Variants in GSTM5 observed in about 807,000 individuals in gnomAD.
GSTM5 encodes GST class-mu 5.
GSTM5 carries 24 observed loss-of-function variants against 29.0 expected under a neutral mutation model. The ratio of observed to expected loss-of-function variants is 0.83; its 90% CI spans 0.60 to 1.16. The LOEUF (loss-of-function observed/expected upper bound fraction) is 1.16, where lower values mean the gene tolerates loss of function less well. Ranked by LOEUF, GSTM5 falls within the 50% of genes most tolerant of loss-of-function variation. The pLI, the probability that GSTM5 is intolerant of heterozygous loss-of-function variation, is 0.00. For synonymous variants in GSTM5, 91 were observed against 93.6 expected, an observed-to-expected ratio of 0.97 and a Z score of 0.16; for missense variants, 290 against 263.0, an observed-to-expected ratio of 1.10 and a Z score of -0.71.
chr1:109,713,600 G>T (rs779480058), intron 4 of GSTM5, 35 bp downstream of exon 4: 10 of 1,614,218 alleles, frequency 6.2e-6, no homozygotes. Context: ...CGGGGGGAAG[G>T]TGACCTCCTC....
At chr1:109,713,915 C>G in intron 5 of GSTM5, 154 bp downstream of exon 5, 1 of 517,370 alleles carries the variant, frequency 1.9e-6, no homozygotes, top group Non-Finnish European at 3.6e-6. Flanking sequence ...GAATCTTCTC[C>G]TCTTCTGAAG....
chr1:109,715,392 C>G, intron 7 of GSTM5, 152 bp downstream of exon 7: 1 of 1,566,622 alleles, frequency 6.4e-7, no homozygotes, highest in South Asian at 1.2e-5. Flanking sequence ...TTATACCTAT[C>G]GTGTAGAATT....
rs1648675551 is a variant in GSTM5, at chr1:109,714,434, G to A, written c.361-513G>A. The A allele has an allele frequency of 8.2e-5, 14 of 171,136 alleles. 1 individual carries two copies. In the South Asian group the frequency reaches 2.0e-3, roughly 24 times the overall value. 10.6% of individuals were successfully genotyped at this position (171,136 alleles called of 1,614,324 possible). A position where few individuals can be genotyped will look rare whatever the true frequency, so the allele number is the denominator to read the frequency against. On this transcript the variant is annotated intron_variant, in intron 5 of 7. Coordinates refer to ENST00000256593, the MANE Select transcript of GSTM5 (RefSeq NM_000851.4). ...GTTTTCCAAGTGCTGTCATTGACAT[G>A]CACCGGGATCTGCGCATTTTCATAA...
At chr1:109,715,956 A>G (rs1182470317) in intron 7 of GSTM5, 19 of 902,366 alleles carry the variant, frequency 2.1e-5, no homozygotes, top group African/African-American at 3.4e-5. Context: ...TGAGTAGCAC[A>G]CTGATTTTAC....
At chr1:109,717,128 TAGC>T in intron 7 of GSTM5, 1 of 364,748 alleles carries the variant, frequency 2.7e-6, no homozygotes, top group Non-Finnish European at 5.0e-6. Context: ...TCGTAAATGG[TAGC>T]TGTTATTATG....
chr1:109,715,209 T>C lies in GSTM5; in HGVS notation c.536T>C (p.Leu179Pro), dbSNP rs2227963. Residue 179 changes from leucine to proline, a missense_variant, in exon 7 of 8, where the codon CTA (leucine) becomes CCA (proline). Leu to Pro is a moderately conservative substitution (Grantham distance 98, BLOSUM62 -3). Coordinates refer to ENST00000256593, the MANE Select transcript of GSTM5 (RefSeq NM_000851.4). ...IFEPKCLDAF[L>P]NLKDFISRFE... The stretch of plus-strand genomic sequence containing the variant: ...GAGCCCAAGTGCTTGGACGCCTTCC[T>C]AAACTTGAAGGACTTCATCTCCCGC... 143,992 of 1,610,520 alleles carry C rather than the reference T, an allele frequency of 0.089. 9,983 individuals carry two copies. The highest frequency in any genetic ancestry group is 0.37 in the African/African-American group (27,408 of 74,614).
chr1:109,714,832 GT>G (rs1217752052), intron 5 of GSTM5, 114 bp from the exon 6 acceptor site: 2 of 947,862 alleles, frequency 2.1e-6, no homozygotes, highest in African/African-American at 1.6e-5. Context: ...GGTTTTAGTT[GT>G]GGGGAAGATG....
chr1:109,712,440 C>T, intron 1 of GSTM5, 92 bp downstream of exon 1: 3 of 1,456,986 alleles, frequency 2.1e-6, no homozygotes, highest in Non-Finnish European at 2.9e-6. Context: ...CGTTCCTCTT[C>T]AGGGCTGCCC....
Position 109,717,449 on chromosome 1 carries a change from G to A in GSTM5, c.*23G>A. The A allele has an allele frequency of 6.4e-7, 1 of 1,574,242 alleles. No homozygotes were observed. On this transcript the variant is annotated 3_prime_UTR_variant, in exon 8 of 8. Transcript: ENST00000256593. The stretch of plus-strand genomic sequence containing the variant: ...TAGGGCCCAGTGATGCCAGAAGATG[G>A]GAGGGAGGAGCCAACCTTGCTGCCT...
At position 109,713,554 on chromosome 1, in the gene GSTM5, A is replaced by T; in HGVS notation, c.248A>T (p.Lys83Met). ...SNAILRYIAR[K>M]HNLCGETEEE... ...GCCATCCTGCGCTACATTGCCCGCA[A>T]GCACAACCTGTGTGAGTGTGGGTGG... The change falls in exon 4 of 8, where the codon AAG (lysine) becomes ATG (methionine). Residue 83 changes from lysine to methionine, a missense_variant. Transcript: ENST00000256593. The T allele has an allele frequency of 6.2e-7, 1 of 1,614,226 alleles. No homozygotes were observed. The highest frequency in any genetic ancestry group is 8.5e-7 in the Non-Finnish European group (1 of 1,180,042).
chr1:109,714,734 C>T, intron 5 of GSTM5: 1 of 607,124 alleles, frequency 1.6e-6, no homozygotes, highest in Non-Finnish European at 3.0e-6. Context: ...GGAAGAGCAT[C>T]TCATTCTGAT....
In GSTM5 at chr1:109,715,056, G is replaced by A. The variant is rs1205993124; in HGVS notation, c.456+14G>A. On this transcript the variant is annotated intron_variant, in intron 6 of 7. Coordinates refer to ENST00000256593, the MANE Select transcript of GSTM5 (RefSeq NM_000851.4). ...GCAGGAGACAAGGTAAAGGAGGAGTGATATGGGGAATGAGATCTGTTTTAC... is the reference window on the plus strand; with the variant it reads ...GCAGGAGACAAGGTAAAGGAGGAGTAATATGGGGAATGAGATCTGTTTTAC... The A allele has an allele frequency of 3.1e-6, 5 of 1,614,080 alleles. No homozygotes were observed. In the East Asian group the frequency reaches 8.9e-5, roughly 29 times the overall value.
chr1:109,712,721 G>A (rs2101311596), intron 2 of GSTM5, 28 bp downstream of exon 2: 1 of 1,612,270 alleles, frequency 6.2e-7, no homozygotes, highest in Non-Finnish European at 8.5e-7. Flanking sequence ...TCCGGGCCCT[G>A]CCCACTCACG....
rs1648641479 is a variant in GSTM5 at position 109,713,567 on chromosome 1, T to C, written c.259+2T>C. On this transcript the variant is annotated splice_donor_variant, in intron 4 of 7. Transcript: ENST00000256593. LOFTEE classifies it high-confidence loss of function. ...ACATTGCCCGCAAGCACAACCTGTGTGAGTGTGGGTGGCTGCAATGTGCGG... is the reference window on the plus strand; with the variant it reads ...ACATTGCCCGCAAGCACAACCTGTGCGAGTGTGGGTGGCTGCAATGTGCGG... The C allele has an allele frequency of 6.2e-7, 1 of 1,614,030 alleles. No homozygotes were observed. The highest frequency in any genetic ancestry group is 8.5e-7 in the Non-Finnish European group (1 of 1,180,038).
rs1363908722 is a variant in GSTM5, at chr1:109,713,777, C to T, written c.360+16C>T. On this transcript the variant is annotated intron_variant, in intron 5 of 7. Coordinates refer to ENST00000256593, the MANE Select transcript of GSTM5 (RefSeq NM_000851.4). Reference sequence around the variant, plus strand: ...CCCAGATTTTGTGAGTCCCACACCCCACTCCCAGTCACCCATTTCCCTGCC... The same window carrying T: ...CCCAGATTTTGTGAGTCCCACACCCTACTCCCAGTCACCCATTTCCCTGCC... 1 of 1,600,802 alleles carries T rather than the reference C, an allele frequency of 6.2e-7. No individual in the cohort carries two copies. The highest frequency in any genetic ancestry group is 8.6e-7 in the Non-Finnish European group (1 of 1,169,276).
chr1:109,715,301 C>A (rs199551890), intron 7 of GSTM5, 61 bp downstream of exon 7: 119 of 1,614,056 alleles, frequency 7.4e-5, no homozygotes, highest in Non-Finnish European at 1.0e-4. Flanking sequence ...CTTTCAGATG[C>A]TTTCCCAGTC....
At chr1:109,713,223 A>C in intron 3 of GSTM5, 40 bp downstream of exon 3, 1 of 1,610,402 alleles carries the variant, frequency 6.2e-7, no homozygotes, top group Non-Finnish European at 8.5e-7. Flanking sequence ...GGAAAGTGCG[A>C]CGTGTCTCTG....
intron 5 of GSTM5, chr1:109,714,252 G>T (rs1648670291): frequency 6.2e-6 from 1 of 160,598 alleles, no homozygotes; most frequent in African/African-American, 2.4e-5. Context: ...GGTAAAATTT[G>T]TGTTCAGAAT....
chr1:109,712,138 T>C (rs1648537505), upstream of GSTM5: 2 of 714,906 alleles, frequency 2.8e-6, no homozygotes, highest in South Asian at 2.9e-5. Flanking sequence ...GGAGGGGGCT[T>C]ATTGATTCCA....
Sources: gnomAD v4.1 joint callset for allele counts on GRCh38, gnomAD v4.1.1 for gene constraint, MANE v1.5 for transcripts, NCBI Gene and HGNC (gene_info 2026-07-23, HGNC 2026-07-21) for gene names.